Variants in LIMCH1 observed in about 807,000 individuals in gnomAD.
LIMCH1 encodes LIM and calponin homology domains 1.
Under a neutral mutation model 176.5 loss-of-function variants are expected in LIMCH1, and 113 were observed. The ratio of observed to expected loss-of-function variants is 0.64; its 90% CI spans 0.55 to 0.75. LIMCH1 has a LOEUF of 0.75. LIMCH1 is among the 30% of genes least tolerant of loss of function. The pLI is 0.00. For synonymous variants in LIMCH1, 619 were observed against 645.9 expected, an observed-to-expected ratio of 0.96 and a Z score of 0.63; for missense variants, 1,674 against 1,814.9, an observed-to-expected ratio of 0.92 and a Z score of 1.41.
intron 1 of LIMCH1, among the ~76,000 whole-genome samples, chr4:41,544,269 C>G (rs2152486394): frequency 6.6e-6 from 1 of 152,282 alleles, no homozygotes; most frequent in East Asian, 1.9e-4. Flanking sequence ...AGACTGTGAA[C>G]ATTCTTGAAC....
intron 1 of LIMCH1, among the ~76,000 whole-genome samples, chr4:41,456,039 T>G (rs73810244): frequency 6.6e-6 from 1 of 151,994 alleles, no homozygotes; most frequent in Non-Finnish European, 1.5e-5. Flanking sequence ...TGTTTGTTTG[T>G]TTTGTTTGTT....
intron 3 of LIMCH1, among the ~76,000 whole-genome samples, chr4:41,604,488 T>C (rs2090414899): frequency 6.6e-6 from 1 of 152,246 alleles, no homozygotes; most frequent in Non-Finnish European, 1.5e-5. Context: ...ATTTTAAAAT[T>C]GGCTGAAGCC....
At chr4:41,510,729 C>T (rs1467950924) in intron 2 of LIMCH1, among the ~76,000 whole-genome samples, 1 of 152,118 alleles carries the variant, frequency 6.6e-6, no homozygotes, top group Non-Finnish European at 1.5e-5. Flanking sequence ...GCTGGGATTA[C>T]AGGCGTCTGC....
At chr4:41,654,237 C>G (rs1023744085) in intron 18 of LIMCH1, among the ~76,000 whole-genome samples, 8 of 152,106 alleles carry the variant, frequency 5.3e-5, no homozygotes, top group African/African-American at 1.4e-4. Context: ...GAATTTTGAT[C>G]TTTTCCTGGG....
chr4:41,584,367 T>A (rs1179690680), intron 1 of LIMCH1, among the ~76,000 whole-genome samples: 2 of 152,208 alleles, frequency 1.3e-5, no homozygotes, highest in Non-Finnish European at 2.9e-5. Context: ...ACTATTTGAC[T>A]CCTATTTGAA....
chr4:41,519,112 G>A (rs1057092567), intron 2 of LIMCH1, among the ~76,000 whole-genome samples: 10 of 152,140 alleles, frequency 6.6e-5, no homozygotes, highest in African/African-American at 2.4e-4. Context: ...TAGAATGTGT[G>A]CAAAGCATAT....
intron 1 of LIMCH1, among the ~76,000 whole-genome samples, chr4:41,460,717 A>G (rs1174926600): frequency 6.6e-6 from 1 of 152,032 alleles, no homozygotes; most frequent in Non-Finnish European, 1.5e-5. Context: ...CTCTTGGTTC[A>G]TTTGGTGCCA....
chr4:41,668,307 G>A (rs886530266), intron 21 of LIMCH1, among the ~76,000 whole-genome samples: 2 of 152,174 alleles, frequency 1.3e-5, no homozygotes, highest in Non-Finnish European at 2.9e-5. Flanking sequence ...TGTTTTCAAA[G>A]CATTTGTCTT....
At position 41,574,039 on chromosome 4, in the gene LIMCH1, C is replaced by A. The variant is rs141284050; in HGVS notation, c.-240-24881C>A. Among the ~76,000 whole-genome samples the A allele has an allele frequency of 2.9e-3, 435 of 152,196 alleles. 2 individuals are homozygous for A. Among genetic ancestry groups the A allele is most frequent in the African/African-American group, 0.01 (423 of 41,520 alleles). Reference sequence around the variant, plus strand: ...TTTGTGCTAAATTATTCAAACAAAACTCTTTCCTATAATGCAAACTCAGGC... The same window carrying A: ...TTTGTGCTAAATTATTCAAACAAAAATCTTTCCTATAATGCAAACTCAGGC... On this transcript the variant is annotated intron_variant, in intron 1 of 31. Transcript: ENST00000503057.
chr4:41,580,221 A>G (rs565259957), intron 1 of LIMCH1, among the ~76,000 whole-genome samples: 1 of 149,126 alleles, frequency 6.7e-6, no homozygotes, highest in Admixed American at 6.6e-5. Flanking sequence ...ATAAAAATAG[A>G]CAGTTAAATG....
intron 1 of LIMCH1, among the ~76,000 whole-genome samples, chr4:41,560,388 C>T (rs2081911918): frequency 6.6e-6 from 1 of 152,192 alleles, no homozygotes; most frequent in South Asian, 2.1e-4. Context: ...TTCAGGGCCA[C>T]ACAAGTCTGA....
chr4:41,688,404 C>G (rs1722646010), intron 29 of LIMCH1, among the ~76,000 whole-genome samples: 1 of 152,182 alleles, frequency 6.6e-6, no homozygotes, highest in African/African-American at 2.4e-5. Flanking sequence ...GCCTGAATTC[C>G]CGTTCCCTGG....
At chr4:41,656,883 C>T (rs750281791) in intron 18 of LIMCH1, among the ~76,000 whole-genome samples, 1 of 152,314 alleles carries the variant, frequency 6.6e-6, no homozygotes, top group Middle Eastern at 3.4e-3. Flanking sequence ...AGGCCCAGCA[C>T]CCAGACCCTC....
At position 41,419,819 on chromosome 4, in the gene LIMCH1, C is replaced by T. The variant is rs1054760315; in HGVS notation, c.96+58883C>T. ...TCTGCCTTCCTCCTTTCTTCCCTTC[C>T]CTCTTCCCTCCCTCTCTTCCTCCCT... On this transcript the variant is annotated intron_variant, in intron 1 of 26. Coordinates refer to the LIMCH1 transcript ENST00000313860. Among the ~76,000 whole-genome samples, 26 of 148,764 alleles carry T rather than the reference C, an allele frequency of 1.7e-4. 1 individual carries two copies. The highest frequency in any genetic ancestry group is 6.3e-4 in the South Asian group (3 of 4,726).
chr4:41,580,908 C>CA (rs2085299582), intron 1 of LIMCH1, among the ~76,000 whole-genome samples: 1 of 152,036 alleles, frequency 6.6e-6, no homozygotes, highest in Admixed American at 6.5e-5. Flanking sequence ...GTTTGAAAAC[C>CA]AGCAGAAAAG....
intron 1 of LIMCH1, among the ~76,000 whole-genome samples, chr4:41,459,463 A>G (rs1561438738): frequency 6.6e-6 from 1 of 151,916 alleles, no homozygotes; most frequent in Non-Finnish European, 1.5e-5. Context: ...AATGCATCCA[A>G]ATAATATTTT....
intron 2 of LIMCH1, among the ~76,000 whole-genome samples, chr4:41,501,825 G>T (rs376678149): frequency 1.4e-5 from 2 of 142,122 alleles, no homozygotes; most frequent in Non-Finnish European, 3.0e-5. Context: ...AAAATCAATG[G>T]CATTTTCACT....
chr4:41,446,634 C>T (rs911966220), intron 1 of LIMCH1, among the ~76,000 whole-genome samples: 3 of 152,088 alleles, frequency 2.0e-5, no homozygotes, highest in Non-Finnish European at 2.9e-5. Context: ...CTACATGAAC[C>T]CTTAGGCAAC....
chr4:41,631,077 G>T lies in LIMCH1; in HGVS notation c.1272-71G>T, dbSNP rs201542942. On this transcript the variant is annotated intron_variant, in intron 9 of 31. Transcript: ENST00000503057. ...CCAACTACTTCTAGTTTTTTTTTTT[G>T]TTTTTTTTTTAAAAACCTCTTATTG... 5.7e-3 allele frequency: 5,487 copies of T among 957,216 alleles called. 29 individuals carry two copies. Among genetic ancestry groups the T allele is most frequent in the African/African-American group, 0.05 (2,944 of 59,082 alleles). 59.3% of individuals were successfully genotyped at this position (957,216 alleles called of 1,614,324 possible). A position where few individuals can be genotyped will look rare whatever the true frequency, so the allele number is the denominator to read the frequency against.
Sources: allele counts gnomAD v4.1 joint callset (sites outside exome capture counted in the v4.1 genomes callset), GRCh38; gene constraint gnomAD v4.1.1; transcripts MANE v1.5; gene names NCBI Gene and HGNC (gene_info 2026-07-23, HGNC 2026-07-21).